TENM1: variants seen among roughly 807,000 people sequenced by gnomAD.
TENM1 encodes the protein teneurin-1.
TENM1 carries 35 observed loss-of-function variants against 174.8 expected under a neutral mutation model. That is an observed-to-expected ratio of 0.20 (90% CI 0.15 to 0.27). The LOEUF is 0.27. Among genes scored for constraint, TENM1 ranks in the 10% least tolerant of loss-of-function variants. The probability of loss-of-function intolerance (pLI) is 1.00; values close to 1 mark genes in which losing one functional copy is unlikely to be tolerated. For missense variants in TENM1, 1,633 were observed against 2,130.1 expected (o/e 0.77, Z 4.59); for synonymous variants, 781 against 798.7 (o/e 0.98, Z 0.37).
the TENM1 span, among the ~76,000 whole-genome samples, chrX:125,109,003 T>C: frequency 9.0e-6 from 1 of 111,143 alleles, no homozygotes; most frequent in Non-Finnish European, 1.9e-5. Flanking sequence ...CACACCTCTA[T>C]TCATTTGCAT....
intron 11 of TENM1, among the ~76,000 whole-genome samples, chrX:124,566,856 G>A (rs938166827): frequency 2.7e-5 from 3 of 111,845 alleles, no homozygotes; most frequent in African/African-American, 9.7e-5. Flanking sequence ...TGATTCCTCT[G>A]CTTAGTACCT....
At chrX:124,592,693 G>T (rs956483263) in intron 11 of TENM1, among the ~76,000 whole-genome samples, 1 of 108,236 alleles carries the variant, frequency 9.2e-6, no homozygotes, top group African/African-American at 3.4e-5. Context: ...CCACCCCACC[G>T]CTCCCCTTGG....
upstream of TENM1, among the ~76,000 whole-genome samples, chrX:124,966,941 G>A (rs1018155236): frequency 5.4e-5 from 6 of 111,385 alleles, no homozygotes; most frequent in Admixed American, 5.7e-4. Context: ...TCTCAAGAGG[G>A]GCTGGAGAGA....
chrX:124,940,568 C>G (rs763031038), intron 1 of TENM1, among the ~76,000 whole-genome samples: 1 of 111,114 alleles, frequency 9.0e-6, no homozygotes, highest in Non-Finnish European at 1.9e-5. Flanking sequence ...CACTTACAAC[C>G]GAGATTCTAA....
chrX:124,624,739 C>G (rs758453883), intron 11 of TENM1, among the ~76,000 whole-genome samples: 5 of 111,777 alleles, frequency 4.5e-5, no homozygotes, highest in Non-Finnish European at 9.4e-5. Context: ...GGTACTCTCA[C>G]TGCAGGAGTT....
intron 1 of TENM1, among the ~76,000 whole-genome samples, chrX:124,951,634 G>C (rs2058485489): frequency 2.6e-5 from 1 of 38,216 alleles, no homozygotes; most frequent in African/African-American, 7.9e-5. Context: ...TCTATGAAAA[G>C]TTAAAATATA....
At chrX:125,095,010 A>T in the TENM1 span, among the ~76,000 whole-genome samples, 8 of 111,997 alleles carry the variant, frequency 7.1e-5, no homozygotes, top group African/African-American at 2.6e-4. Flanking sequence ...AAGCAATCCT[A>T]TGAGGTAGGT....
intron 11 of TENM1, among the ~76,000 whole-genome samples, chrX:124,575,333 A>C (rs974995942): frequency 1.8e-5 from 2 of 112,009 alleles, no homozygotes; most frequent in Non-Finnish European, 3.8e-5. Context: ...CTTTACAATG[A>C]TGCTTCAATG....
intron 4 of TENM1, among the ~76,000 whole-genome samples, chrX:124,711,663 A>G (rs1056364865): frequency 4.5e-5 from 5 of 111,766 alleles, no homozygotes; most frequent in South Asian, 3.7e-4. Context: ...GAATTTAGGT[A>G]TTTTTTTAAA....
chrX:124,566,009 C>T (rs997691225), intron 11 of TENM1, among the ~76,000 whole-genome samples: 1 of 111,456 alleles, frequency 9.0e-6, no homozygotes, highest in Non-Finnish European at 1.9e-5. Context: ...AGATTAATGA[C>T]AAACAAATGC....
chrX:125,187,428 A>G, the TENM1 span, among the ~76,000 whole-genome samples: 1 of 111,583 alleles, frequency 9.0e-6, no homozygotes, highest in African/African-American at 3.3e-5. Context: ...ATATACAGAG[A>G]GGTATGTATA....
the TENM1 span, among the ~76,000 whole-genome samples, chrX:125,046,031 T>C: frequency 3.1e-3 from 341 of 108,279 alleles, 2 homozygotes; most frequent in African/African-American, 0.011. Context: ...AAGCAAAATA[T>C]TGAAAGAGTA....
chrX:124,923,845 C>T (rs897967328), intron 1 of TENM1, among the ~76,000 whole-genome samples: 2 of 111,664 alleles, frequency 1.8e-5, no homozygotes, highest in Admixed American at 9.5e-5. Context: ...GCAAGAAAAA[C>T]AGGTTTTCTC....
chrX:124,817,845 A>G (rs766724078), intron 3 of TENM1, among the ~76,000 whole-genome samples: 8 of 111,824 alleles, frequency 7.2e-5, no homozygotes, highest in Non-Finnish European at 1.5e-4. Flanking sequence ...GAAAAGAAAA[A>G]CAACTTCTAG....
chrX:125,051,497 T>C, the TENM1 span, among the ~76,000 whole-genome samples: 3 of 110,763 alleles, frequency 2.7e-5, no homozygotes, highest in South Asian at 1.2e-3. Context: ...AAAACAGAGA[T>C]ATAGACCAAT....
intron 1 of TENM1, among the ~76,000 whole-genome samples, chrX:124,932,986 C>T (rs948298285): frequency 1.8e-5 from 2 of 112,129 alleles, no homozygotes; most frequent in Admixed American, 9.5e-5. Flanking sequence ...AGAGTTGCCT[C>T]TGAAAGGGTT....
exon 30 of TENM1, chrX:124,384,481 A>G (rs1308897985): frequency 8.3e-7 from 1 of 1,210,203 alleles, no homozygotes; most frequent in Non-Finnish European, 1.1e-6. Context: ...TTATATTGGC[A>G]TCTACTCCTA....
intron 23 of TENM1, among the ~76,000 whole-genome samples, chrX:124,440,600 T>C (rs1418747680): frequency 8.9e-6 from 1 of 111,900 alleles, no homozygotes; most frequent in African/African-American, 3.2e-5. Flanking sequence ...TTTTTCTGTA[T>C]TACCATCTTT....
At chrX:124,665,850 G>C (rs936409114) in intron 6 of TENM1, among the ~76,000 whole-genome samples, 2 of 111,749 alleles carry the variant, frequency 1.8e-5, no homozygotes, top group African/African-American at 3.3e-5. Context: ...GCTTTTATCT[G>C]TTTTCTATTT....
Sources: gnomAD v4.1 joint callset for allele counts (sites outside exome capture counted in the v4.1 genomes callset) on GRCh38, gnomAD v4.1.1 for gene constraint, MANE v1.5 for transcripts, NCBI Gene and HGNC (gene_info 2026-07-23, HGNC 2026-07-21) for gene names.